Variants in EEFSEC observed in about 807,000 individuals in gnomAD.
EEFSEC encodes selenocysteine-specific elongation factor.
EEFSEC carries 43 observed loss-of-function variants against 42.1 expected under a neutral mutation model. That is an observed-to-expected ratio of 1.02 (90% CI 0.80 to 1.32). The LOEUF (loss-of-function observed/expected upper bound fraction) is 1.32. Among genes scored for constraint, EEFSEC ranks in the 40% most tolerant of loss-of-function variants. The pLI, the probability that EEFSEC is intolerant of heterozygous loss-of-function variation, is 0.00. For synonymous variants in EEFSEC, 354 were observed against 339.1 expected, an observed-to-expected ratio of 1.04 and a Z score of -0.48; for missense variants, 745 against 803.6, an observed-to-expected ratio of 0.93 and a Z score of 0.88.
intron 1 of EEFSEC, among the ~76,000 whole-genome samples, chr3:128,214,952 C>A (rs188250250): frequency 7.9e-5 from 12 of 152,152 alleles, no homozygotes; most frequent in Admixed American, 7.9e-4. Context: ...ACATCAGAAA[C>A]CTTTGTTGAA....
At chr3:128,348,734 G>A (rs974748500) in intron 5 of EEFSEC, among the ~76,000 whole-genome samples, 3 of 152,172 alleles carry the variant, frequency 2.0e-5, no homozygotes, top group African/African-American at 4.8e-5. Context: ...GCAAAGATCT[G>A]GCAAAAATGA....
chr3:128,262,231 T>C lies in EEFSEC; in HGVS notation c.621+7T>C, dbSNP rs767572996. ...CATTCCAGAGCTCATTGAGGTACTG[T>C]CATCTTGAATCCAGGTTGCCCTTTA... On this transcript the variant is annotated splice_region_variant and intron_variant, in intron 3 of 6. Transcript: ENST00000254730. The C allele has an allele frequency of 1.4e-5, 23 of 1,613,662 alleles. No homozygotes were observed. The highest frequency in any genetic ancestry group is 1.9e-5 in the Non-Finnish European group (22 of 1,179,744).
rs1576626225 is a variant in EEFSEC, at chr3:128,308,530, C to G, written c.787-32703C>G. On this transcript the variant is annotated intron_variant, in intron 4 of 6. Coordinates refer to ENST00000254730, the MANE Select transcript of EEFSEC (RefSeq NM_021937.5). ...AGCCAAATGCCATTTAATCGCACAGCTATTGAGTGAGAACCAGTAAGCCAG... is the reference window on the plus strand; with the variant it reads ...AGCCAAATGCCATTTAATCGCACAGGTATTGAGTGAGAACCAGTAAGCCAG... Among the ~76,000 whole-genome samples, 5 of 152,328 alleles carry G rather than the reference C, an allele frequency of 3.3e-5. No homozygotes were observed. In the South Asian group the frequency reaches 1.0e-3, roughly 32 times the overall value.
At chr3:128,405,060 A>G (rs2068093523) in intron 6 of EEFSEC, among the ~76,000 whole-genome samples, 2 of 148,400 alleles carry the variant, frequency 1.3e-5, no homozygotes, top group Non-Finnish European at 3.0e-5. Context: ...TCTGTTGCCC[A>G]GGCTGGAGTG....
At chr3:128,371,823 G>A (rs2067657471) in intron 6 of EEFSEC, among the ~76,000 whole-genome samples, 1 of 152,228 alleles carries the variant, frequency 6.6e-6, no homozygotes. Flanking sequence ...TGGGGAAAGA[G>A]AGGACAGAGT....
chr3:128,171,707 G>A (rs2065298299), intron 1 of EEFSEC, among the ~76,000 whole-genome samples: 1 of 152,046 alleles, frequency 6.6e-6, no homozygotes, highest in South Asian at 2.1e-4. Flanking sequence ...GGCCATGTCT[G>A]CTTTTGTATA....
chr3:128,218,497 A>G (rs2065832130), intron 1 of EEFSEC, among the ~76,000 whole-genome samples: 1 of 152,200 alleles, frequency 6.6e-6, no homozygotes, highest in Admixed American at 6.5e-5. Flanking sequence ...CTTAGAGTGG[A>G]CTACTCAAGC....
intron 6 of EEFSEC, among the ~76,000 whole-genome samples, chr3:128,380,800 T>C (rs1357886935): frequency 1.3e-5 from 2 of 152,190 alleles, no homozygotes; most frequent in African/African-American, 2.4e-5. Flanking sequence ...TGCAGAGCAG[T>C]ATAAGAGGGT....
At chr3:128,252,870 A>C (rs899404933) in intron 2 of EEFSEC, among the ~76,000 whole-genome samples, 10 of 152,218 alleles carry the variant, frequency 6.6e-5, no homozygotes, top group Non-Finnish European at 1.3e-4. Flanking sequence ...CAGGGACAGC[A>C]GTCCTTGAAT....
intron 4 of EEFSEC, among the ~76,000 whole-genome samples, chr3:128,329,437 C>T (rs2067102183): frequency 1.3e-5 from 2 of 150,148 alleles, no homozygotes; most frequent in East Asian, 2.0e-4. Context: ...CGCTGATGCT[C>T]TCAGTCTGGA....
At chr3:128,400,379 G>A (rs556222716) in intron 6 of EEFSEC, among the ~76,000 whole-genome samples, 1 of 152,286 alleles carries the variant, frequency 6.6e-6, no homozygotes, top group East Asian at 1.9e-4. Flanking sequence ...ATCCAGTTCA[G>A]ACTGGAGCCT....
intron 6 of EEFSEC, among the ~76,000 whole-genome samples, chr3:128,399,478 A>T (rs2068023605): frequency 6.6e-6 from 1 of 152,238 alleles, no homozygotes; most frequent in Admixed American, 6.5e-5. Flanking sequence ...CAGGGACAGC[A>T]GAGTACAGGT....
chr3:128,364,027 G>A (rs1351933561), intron 6 of EEFSEC, among the ~76,000 whole-genome samples: 2 of 152,180 alleles, frequency 1.3e-5, no homozygotes, highest in African/African-American at 4.8e-5. Flanking sequence ...GCCAGGCACA[G>A]TGGCTCACCC....
intron 1 of EEFSEC, among the ~76,000 whole-genome samples, chr3:128,207,260 A>G (rs1018151710): frequency 1.6e-5 from 1 of 61,948 alleles, no homozygotes; most frequent in Non-Finnish European, 2.9e-5. Flanking sequence ...CCCTCCCTCC[A>G]TTTTCTTCCC....
At chr3:128,394,611 A>G (rs1011003261) in intron 6 of EEFSEC, among the ~76,000 whole-genome samples, 1 of 152,194 alleles carries the variant, frequency 6.6e-6, no homozygotes, top group East Asian at 1.9e-4. Context: ...GTTAAAGAGT[A>G]TACACATTTA....
chr3:128,423,256 A>G, the EEFSEC span, among the ~76,000 whole-genome samples: 1 of 152,230 alleles, frequency 6.6e-6, no homozygotes, highest in Non-Finnish European at 1.5e-5. Flanking sequence ...TGATGAATGG[A>G]TACACAAAAT....
intron 4 of EEFSEC, among the ~76,000 whole-genome samples, chr3:128,312,589 C>T (rs931754008): frequency 2.6e-5 from 4 of 152,216 alleles, no homozygotes; most frequent in South Asian, 2.1e-4. Flanking sequence ...TGTTGAAAAG[C>T]GGAATGTTCC....
downstream of EEFSEC, among the ~76,000 whole-genome samples, chr3:128,409,644 G>T (rs2068159970): frequency 6.6e-6 from 1 of 152,216 alleles, no homozygotes; most frequent in South Asian, 2.1e-4. Flanking sequence ...GCCCCGGTGA[G>T]CGTGGCCTCC....
intron 6 of EEFSEC, among the ~76,000 whole-genome samples, chr3:128,389,880 C>T (rs1335849963): frequency 2.6e-5 from 4 of 152,230 alleles, no homozygotes; most frequent in Non-Finnish European, 5.9e-5. Context: ...GCCTAGCCCA[C>T]GTGGATCCAG....
Sources: gnomAD v4.1 joint callset for allele counts (sites outside exome capture counted in the v4.1 genomes callset) on GRCh38, gnomAD v4.1.1 for gene constraint, MANE v1.5 for transcripts, NCBI Gene and HGNC (gene_info 2026-07-23, HGNC 2026-07-21) for gene names.